Variants in HHAT observed in about 807,000 individuals in gnomAD.
HHAT encodes the protein hedgehog acyltransferase.
Under a neutral mutation model 70.8 loss-of-function variants are expected in HHAT, and 47 were observed. The observed-to-expected ratio is 0.66, with a 90% CI of 0.53 to 0.85. HHAT has a LOEUF of 0.85. HHAT is among the 40% of genes least tolerant of loss of function. HHAT has a pLI of 0.00. For missense variants in HHAT, 609 were observed against 604.8 expected, an observed-to-expected ratio of 1.01 and a Z score of -0.07; for synonymous variants, 228 against 247.6, an observed-to-expected ratio of 0.92 and a Z score of 0.74.
chr1:210,588,327 T>G (rs1481883025), intron 10 of HHAT: 1 of 447,084 alleles, frequency 2.2e-6, no homozygotes, highest in African/African-American at 2.0e-5. Context: ...AAAAAATGTA[T>G]TATGTAAAAA....
chr1:210,673,523 C>T (rs1574153886), intron 11 of HHAT, among the ~76,000 whole-genome samples: 1 of 151,838 alleles, frequency 6.6e-6, no homozygotes, highest in African/African-American at 2.4e-5. Flanking sequence ...AGACTACACT[C>T]AGACTCATGG....
chr1:210,604,192 G>A (rs562874541), intron 10 of HHAT, among the ~76,000 whole-genome samples: 1 of 151,720 alleles, frequency 6.6e-6, no homozygotes, highest in African/African-American at 2.4e-5. Context: ...TGAAGCTTCT[G>A]CTTCAGCCTC....
At position 210,587,884 on chromosome 1, in the gene HHAT, T is replaced by C; in HGVS notation, c.1044-14T>C. On this transcript the variant is annotated splice_polypyrimidine_tract_variant and intron_variant, in intron 9 of 11. Coordinates refer to ENST00000261458, the MANE Select transcript of HHAT (RefSeq NM_018194.6). ...GCCCTCTGTATGTCTCCTAACAGCCTCTTCTTTCTCTAGGTATGTGTACAT... is the reference window on the plus strand; with the variant it reads ...GCCCTCTGTATGTCTCCTAACAGCCCCTTCTTTCTCTAGGTATGTGTACAT... 1 of 1,610,676 alleles carries C rather than the reference T, an allele frequency of 6.2e-7. No homozygotes were observed. Among genetic ancestry groups the C allele is most frequent in the Non-Finnish European group, 8.5e-7 (1 of 1,177,842 alleles).
At chr1:210,359,403 GAAC>G (rs1442638057) in intron 2 of HHAT, among the ~76,000 whole-genome samples, 2 of 152,192 alleles carry the variant, frequency 1.3e-5, no homozygotes, top group Non-Finnish European at 2.9e-5. Context: ...CTCCTAGGGA[GAAC>G]ATCACTATTG....
intron 9 of HHAT, among the ~76,000 whole-genome samples, chr1:210,543,871 A>C (rs1243272182): frequency 1.3e-5 from 2 of 152,126 alleles, no homozygotes; most frequent in African/African-American, 4.8e-5. Flanking sequence ...TCGAGGCCTC[A>C]TATCCAGTCC....
At position 210,437,020 on chromosome 1, in the gene HHAT, G is replaced by A. The variant is rs56080802; in HGVS notation, c.856+18695G>A. Among the ~76,000 whole-genome samples the A allele has an allele frequency of 5.7e-3, 871 of 151,910 alleles. 22 individuals are homozygous for A. The highest frequency in any genetic ancestry group is 0.02 in the African/African-American group (837 of 41,236). ...ATGGGAAGAAGATATCTTAGGAGTA[G>A]GTTAAGAGGTGTAATAGTGAGGTAC... On this transcript the variant is annotated intron_variant, in intron 7 of 11. Transcript: ENST00000261458.
At chr1:210,596,279 T>G (rs1435677458) in intron 10 of HHAT, among the ~76,000 whole-genome samples, 1 of 152,138 alleles carries the variant, frequency 6.6e-6, no homozygotes, top group Non-Finnish European at 1.5e-5. Flanking sequence ...ACTTTGGGAG[T>G]TTGGTTATCT....
chr1:210,437,405 C>T (rs118016299), intron 7 of HHAT, among the ~76,000 whole-genome samples: 1 of 151,722 alleles, frequency 6.6e-6, no homozygotes, highest in African/African-American at 2.4e-5. Flanking sequence ...AGATTCACAT[C>T]GAGAATAAGG....
intron 10 of HHAT, among the ~76,000 whole-genome samples, chr1:210,612,705 T>A (rs531609114): frequency 6.6e-6 from 1 of 152,286 alleles, no homozygotes; most frequent in Non-Finnish European, 1.5e-5. Context: ...GTGTTTAATT[T>A]TTTGAGAAAC....
chr1:210,656,254 C>T (rs947351077), intron 11 of HHAT, among the ~76,000 whole-genome samples: 3 of 152,144 alleles, frequency 2.0e-5, no homozygotes, highest in African/African-American at 7.2e-5. Flanking sequence ...CCTTCTAGAC[C>T]TCCCATAGAA....
At chr1:210,432,401 C>T (rs2093271417) in intron 7 of HHAT, among the ~76,000 whole-genome samples, 1 of 151,840 alleles carries the variant, frequency 6.6e-6, no homozygotes, top group Non-Finnish European at 1.5e-5. Context: ...GAAGAAAGCT[C>T]AATTTATCAG....
chr1:210,496,987 A>C (rs1457781449), intron 8 of HHAT, among the ~76,000 whole-genome samples: 1 of 152,202 alleles, frequency 6.6e-6, no homozygotes, highest in African/African-American at 2.4e-5. Flanking sequence ...TTTATGTACA[A>C]CTGTGTGGCT....
At chr1:210,403,146 A>C (rs79896022) in intron 5 of HHAT, among the ~76,000 whole-genome samples, 2,041 of 152,310 alleles carry the variant, frequency 0.013, 43 homozygotes, top group East Asian at 0.067. Flanking sequence ...TCTCACTCTC[A>C]TTAATGATGT....
At chr1:210,418,537 T>C (rs1451680031) in intron 7 of HHAT, among the ~76,000 whole-genome samples, 1 of 152,184 alleles carries the variant, frequency 6.6e-6, no homozygotes, top group Non-Finnish European at 1.5e-5. Flanking sequence ...GCTTGTAGTC[T>C]GGGGACCAAG....
At chr1:210,553,203 G>A (rs2095542447) in intron 9 of HHAT, among the ~76,000 whole-genome samples, 1 of 152,192 alleles carries the variant, frequency 6.6e-6, no homozygotes, top group African/African-American at 2.4e-5. Context: ...ACCAAGGCTG[G>A]CTTCCTGGCG....
intron 11 of HHAT, among the ~76,000 whole-genome samples, chr1:210,659,947 C>G (rs1677287039): frequency 6.6e-6 from 1 of 152,104 alleles, no homozygotes; most frequent in Non-Finnish European, 1.5e-5. Flanking sequence ...TTATGACAAA[C>G]CCACCACCAA....
At chr1:210,332,283 A>G (rs1461959258) in intron 1 of HHAT, among the ~76,000 whole-genome samples, 2 of 152,252 alleles carry the variant, frequency 1.3e-5, no homozygotes, top group Non-Finnish European at 2.9e-5. Context: ...AGACTTGAAT[A>G]GTTGTGCAGC....
At chr1:210,338,818 A>T (rs2085743775) in intron 1 of HHAT, among the ~76,000 whole-genome samples, 2 of 152,228 alleles carry the variant, frequency 1.3e-5, no homozygotes, top group East Asian at 3.9e-4. Context: ...TGGCAGAAGA[A>T]ATCCACCCCT....
chr1:210,404,345 T>G (rs2092233016), intron 5 of HHAT, 119 bp from the exon 6 acceptor site: 3 of 732,008 alleles, frequency 4.1e-6, no homozygotes, highest in Admixed American at 5.1e-5. Context: ...AGAAATTGCC[T>G]TCCCAGAGCC....
Sources: gnomAD v4.1 joint callset for allele counts (sites outside exome capture counted in the v4.1 genomes callset) on GRCh38, gnomAD v4.1.1 for gene constraint, MANE v1.5 for transcripts, NCBI Gene and HGNC (gene_info 2026-07-23, HGNC 2026-07-21) for gene names.